The following LAMC2 variants were observed in gnomAD, a reference collection of about 807,000 sequenced individuals.
The protein encoded by LAMC2 is laminin subunit gamma 2, also known as laminin subunit gamma-2.
Under a neutral mutation model 140.2 loss-of-function variants are expected in LAMC2, and 97 were observed. The observed-to-expected ratio is 0.69, with a 90% CI of 0.59 to 0.82. The LOEUF (loss-of-function observed/expected upper bound fraction) is 0.82, where lower values mean the gene tolerates loss of function less well. Ranked by LOEUF, LAMC2 falls within the 40% of genes least tolerant of loss-of-function variation. The pLI is 0.00. For synonymous variants in LAMC2, 513 were observed against 540.2 expected, an observed-to-expected ratio of 0.95 and a Z score of 0.70; for missense variants, 1,402 against 1,476.1, an observed-to-expected ratio of 0.95 and a Z score of 0.82.
intron 14 of LAMC2, among the ~76,000 whole-genome samples, chr1:183,233,725 T>C (rs2102241654): frequency 6.6e-6 from 1 of 152,024 alleles, no homozygotes; most frequent in Non-Finnish European, 1.5e-5. Flanking sequence ...CATGTATATA[T>C]TTTTATTTTT....
chr1:183,213,791 T>A (rs971607339), intron 2 of LAMC2, among the ~76,000 whole-genome samples: 2 of 133,710 alleles, frequency 1.5e-5, no homozygotes, highest in Admixed American at 1.6e-4. Flanking sequence ...CATGGCCAGG[T>A]GCGGTGGCTC....
chr1:183,234,571 C>T, intron 15 of LAMC2, 125 bp downstream of exon 15: 1 of 816,270 alleles, frequency 1.2e-6, no homozygotes, highest in Non-Finnish European at 2.0e-6. Flanking sequence ...TGCAGCCATT[C>T]CCTACCTTGA....
At chr1:183,195,770 A>T (rs2477439) in intron 1 of LAMC2, among the ~76,000 whole-genome samples, 2 of 151,984 alleles carry the variant, frequency 1.3e-5, no homozygotes, top group African/African-American at 4.8e-5. Flanking sequence ...CTAGAAGCAG[A>T]TATTCACACA....
chr1:183,190,447 G>A (rs997645284), intron 1 of LAMC2, among the ~76,000 whole-genome samples: 2 of 151,810 alleles, frequency 1.3e-5, no homozygotes, highest in African/African-American at 4.8e-5. Flanking sequence ...ACCCAAAGCA[G>A]GTTGCAGTTT....
chr1:183,213,115 T>C (rs1424060453), intron 2 of LAMC2, among the ~76,000 whole-genome samples: 1 of 152,242 alleles, frequency 6.6e-6, no homozygotes, highest in East Asian at 1.9e-4. Flanking sequence ...CTCTGAGAGT[T>C]CCTATTATGC....
rs755081226 is a variant in LAMC2, at chr1:183,218,501, C to G, written c.503+13C>G. 3.8e-6 allele frequency: 6 copies of G among 1,592,400 alleles called. No homozygotes were observed. Among genetic ancestry groups the G allele is most frequent in the Non-Finnish European group, 4.3e-6 (5 of 1,161,714 alleles). On this transcript the variant is annotated intron_variant, in intron 4 of 22. Coordinates refer to ENST00000264144, the MANE Select transcript of LAMC2 (RefSeq NM_005562.3). The stretch of plus-strand genomic sequence containing the variant: ...AACGCTGTGATAGGTCTGTGTGAAC[C>G]GTGGCCCTACAAACAGCAGAGAGAG...
At chr1:183,225,505 T>G in intron 7 of LAMC2, 103 bp from the exon 8 acceptor site, 1 of 832,840 alleles carries the variant, frequency 1.2e-6, no homozygotes, top group Non-Finnish European at 2.1e-6. Context: ...TAAGCAGGAC[T>G]GGGAAGGGGC....
intron 7 of LAMC2, among the ~76,000 whole-genome samples, 158 bp downstream of exon 7, chr1:183,223,482 T>C (rs1300422781): frequency 6.6e-6 from 1 of 152,220 alleles, no homozygotes; most frequent in Non-Finnish European, 1.5e-5. Flanking sequence ...AAGGACATGA[T>C]TCCTTCCCTC....
At chr1:183,256,699 CTAA>C in the LAMC2 span, among the ~76,000 whole-genome samples, 1 of 152,174 alleles carries the variant, frequency 6.6e-6, no homozygotes, top group African/African-American at 2.4e-5. Context: ...ATTCAATTTG[CTAA>C]TGTTTTATTG....
chr1:183,224,572 G>A (rs78141613), intron 7 of LAMC2, among the ~76,000 whole-genome samples: 152 of 152,172 alleles, frequency 1.0e-3, no homozygotes, highest in African/African-American at 3.6e-3. Context: ...AGAGTGGTTA[G>A]GTGCCTAACC....
chr1:183,256,111 T>A, the LAMC2 span, among the ~76,000 whole-genome samples: 2 of 151,954 alleles, frequency 1.3e-5, no homozygotes, highest in South Asian at 2.1e-4. Flanking sequence ...TTAAAAAAAA[T>A]AAAATAAATT....
chr1:183,239,800 T>C (rs952974034), intron 20 of LAMC2: 3 of 641,180 alleles, frequency 4.7e-6, no homozygotes, highest in Non-Finnish European at 8.2e-6. Flanking sequence ...TTGGTGAGCA[T>C]TGAACTGAGA....
At chr1:183,194,271 G>T in intron 1 of LAMC2, among the ~76,000 whole-genome samples, 1 of 148,922 alleles carries the variant, frequency 6.7e-6, no homozygotes. Flanking sequence ...AAAAAAATCT[G>T]TAAGTAAGAT....
chr1:183,225,265 C>G (rs1323434115), intron 7 of LAMC2, among the ~76,000 whole-genome samples: 1 of 152,154 alleles, frequency 6.6e-6, no homozygotes, highest in Non-Finnish European at 1.5e-5. Context: ...AGAATCAGAA[C>G]TTCTGGAACG....
At chr1:183,254,720 A>T in the LAMC2 span, among the ~76,000 whole-genome samples, 1 of 152,210 alleles carries the variant, frequency 6.6e-6, no homozygotes, top group African/African-American at 2.4e-5. Context: ...TATAGGTATG[A>T]GCCATCACAC....
At chr1:183,234,529 CAAGCATCGTA>C in intron 15 of LAMC2, 83 bp downstream of exon 15, 1 of 1,076,414 alleles carries the variant, frequency 9.3e-7, no homozygotes, top group South Asian at 1.3e-5. Flanking sequence ...ATTAGGGACC[CAAGCATCGTA>C]TTTATTCTCT....
rs766176995 is a variant in LAMC2 at position 183,239,465 on chromosome 1, C to A, written c.2971C>A (p.Gln991Lys). Residue 991 changes from glutamine (Q) to lysine (K), a missense_variant, in exon 20 of 23, where the codon CAG (glutamine) becomes AAG (lysine). Gln to Lys is a moderately conservative substitution (Grantham distance 53). This residue lies in a region of LAMC2 where 670 missense variants were observed against 667.2 expected (regional missense o/e 1.00). Transcript: ENST00000264144. ...QKVSDASDKT[Q>K]QAERALGSAA... ...GGTTTCAGATGCCAGTGACAAGACC[C>A]AGCAAGCAGAAAGAGCCCTGGGGAG... 1.4e-5 allele frequency: 23 copies of A among 1,613,980 alleles called. No homozygotes were observed. In the South Asian group the frequency reaches 2.4e-4, roughly 17 times the overall value.
At chr1:183,256,164 T>G in the LAMC2 span, among the ~76,000 whole-genome samples, 1 of 151,946 alleles carries the variant, frequency 6.6e-6, no homozygotes, top group Non-Finnish European at 1.5e-5. Flanking sequence ...TCCCAGCACT[T>G]TGGGAGGCTG....
intron 1 of LAMC2, among the ~76,000 whole-genome samples, chr1:183,200,739 A>G (rs1434041680): frequency 6.6e-6 from 1 of 151,904 alleles, no homozygotes; most frequent in Non-Finnish European, 1.5e-5. Context: ...GCCTCACTCT[A>G]TTGTTTAAGG....
Sources: gnomAD v4.1 joint callset for allele counts (sites outside exome capture counted in the v4.1 genomes callset) on GRCh38, gnomAD v4.1.1 for gene constraint, gnomAD v4.1.1 regional missense constraint, MANE v1.5 for transcripts, NCBI Gene and HGNC (gene_info 2026-07-23, HGNC 2026-07-21) for gene names.